Variants in MARCHF8 observed in about 807,000 individuals in gnomAD.
The protein encoded by MARCHF8 is membrane associated ring-CH-type finger 8.
Under a neutral mutation model 51.6 loss-of-function variants are expected in MARCHF8, and 40 were observed. The observed-to-expected ratio is 0.77, with a 90% CI of 0.60 to 1.01. The LOEUF is 1.01. MARCHF8 is among the 50% of genes least tolerant of loss of function. The probability of loss-of-function intolerance (pLI) is 0.00; values close to 1 mark genes in which losing one functional copy is unlikely to be tolerated. For missense variants in MARCHF8, 685 were observed against 708.6 expected (o/e 0.97, Z 0.38); for synonymous variants, 263 against 280.3 (o/e 0.94, Z 0.62).
At chr10:45,540,568 G>A (rs1343768642) in intron 1 of MARCHF8, among the ~76,000 whole-genome samples, 1 of 152,152 alleles carries the variant, frequency 6.6e-6, no homozygotes, top group Non-Finnish European at 1.5e-5. Flanking sequence ...ATTGACAAAT[G>A]GGATCTAATT....
intron 1 of MARCHF8, among the ~76,000 whole-genome samples, chr10:45,565,570 C>CAA (rs1435462621): frequency 7.0e-6 from 1 of 143,674 alleles, no homozygotes; most frequent in Non-Finnish European, 1.5e-5. Flanking sequence ...GATGCAACTG[C>CAA]AAAAAAATAA....
intron 1 of MARCHF8, among the ~76,000 whole-genome samples, chr10:45,580,883 T>G (rs1320493831): frequency 6.6e-6 from 1 of 152,198 alleles, no homozygotes; most frequent in East Asian, 1.9e-4. Flanking sequence ...CACACCCATC[T>G]GTGTGCTGCC....
At chr10:45,525,072 A>C (rs2043768995) in intron 2 of MARCHF8, among the ~76,000 whole-genome samples, 1 of 152,222 alleles carries the variant, frequency 6.6e-6, no homozygotes, top group Non-Finnish European at 1.5e-5. Context: ...TAAGTAGTAA[A>C]AGTGTGGTGA....
chr10:45,561,915 A>G lies in MARCHF8; in HGVS notation c.-78-28626T>C, dbSNP rs529060017. On this transcript the variant is annotated intron_variant, in intron 1 of 6. Coordinates refer to the MARCHF8 transcript ENST00000319836. ...GACTCCGTCTCAAAAAAAAAAAAAAAAAAAAAGAAATTTTAAAATGAGCAA... is the reference window on the plus strand; with the variant it reads ...GACTCCGTCTCAAAAAAAAAAAAAAGAAAAAAGAAATTTTAAAATGAGCAA... Among the ~76,000 whole-genome samples, 100 of 151,546 alleles carry G rather than the reference A, an allele frequency of 6.6e-4. 1 individual carries two copies. The highest frequency in any genetic ancestry group is 2.1e-3 in the African/African-American group (89 of 41,452).
intron 2 of MARCHF8, among the ~76,000 whole-genome samples, chr10:45,509,980 A>G (rs1435508306): frequency 6.6e-6 from 1 of 150,542 alleles, no homozygotes; most frequent in Non-Finnish European, 1.5e-5. Context: ...CAACGCCTGT[A>G]ATCTGGGGAA....
intron 2 of MARCHF8, among the ~76,000 whole-genome samples, chr10:45,491,895 T>C (rs1589115367): frequency 6.6e-6 from 1 of 152,196 alleles, no homozygotes; most frequent in South Asian, 2.1e-4. Flanking sequence ...TACAGAGAAG[T>C]TCACAAGTAC....
In MARCHF8 at chr10:45,457,267, T is replaced by C. The variant is rs1338562809; in HGVS notation, c.*972A>G. The C allele has an allele frequency of 6.6e-6, 1 of 152,250 alleles. No individual in the cohort carries two copies. The highest frequency in any genetic ancestry group is 1.9e-4 in the East Asian group (1 of 5,206). The allele number at this position is 152,250 out of a possible 1,614,324, so 9.4% of individuals were successfully genotyped here. A position where few individuals can be genotyped will look rare whatever the true frequency, so the allele number is the denominator to read the frequency against. On this transcript the variant is annotated 3_prime_UTR_variant, in exon 8 of 8. Coordinates refer to ENST00000453424, the MANE Select transcript of MARCHF8 (RefSeq NM_001282866.2). ...TGTTGTCATTACTCACTTCCTTTCC[T>C]TCCATTTCGATCTCAGAAACTGTTC...
At chr10:45,561,193 AAT>A (rs2044306388) in intron 1 of MARCHF8, among the ~76,000 whole-genome samples, 1 of 152,158 alleles carries the variant, frequency 6.6e-6, no homozygotes. Flanking sequence ...TAGAGAAGTA[AAT>A]ATGAGTGAGA....
chr10:45,547,749 G>A (rs2044144890), intron 1 of MARCHF8, among the ~76,000 whole-genome samples: 3 of 152,046 alleles, frequency 2.0e-5, no homozygotes, highest in African/African-American at 7.2e-5. Flanking sequence ...AAGACAACAT[G>A]GAATTCACAT....
rs565047348 is a variant in MARCHF8 at position 45,565,613 on chromosome 10, A to G, written c.-79+28622T>C. Among the ~76,000 whole-genome samples, 5 of 152,262 alleles carry G rather than the reference A, an allele frequency of 3.3e-5. No individual in the cohort carries two copies. The East Asian group carries it at 9.6e-4, about 29-fold the overall frequency. ...AAGTCATTACATGGAATACTAAAAA[A>G]TATTCAATTAGCCCTAAAGTAGAAA... On this transcript the variant is annotated intron_variant, in intron 1 of 6. Transcript: ENST00000319836.
At chr10:45,584,004 T>TC (rs1564524273) in intron 1 of MARCHF8, among the ~76,000 whole-genome samples, 1 of 100,312 alleles carries the variant, frequency 1.0e-5, no homozygotes, top group Non-Finnish European at 2.0e-5. Flanking sequence ...AGACTTCATT[T>TC]CCAAAAAAAA....
intron 1 of MARCHF8, among the ~76,000 whole-genome samples, chr10:45,581,050 A>C (rs1326440009): frequency 2.0e-5 from 3 of 152,096 alleles, no homozygotes; most frequent in Admixed American, 2.0e-4. Context: ...CGGAGAAACC[A>C]GACAAGAGTA....
upstream of MARCHF8, among the ~76,000 whole-genome samples, chr10:45,536,072 A>G: frequency 6.6e-6 from 1 of 152,236 alleles, no homozygotes. Context: ...GAAAATTTAT[A>G]TAAAATTCAA....
At chr10:45,536,940 C>T (rs1161697037), upstream of MARCHF8, among the ~76,000 whole-genome samples, 1 of 151,222 alleles carries the variant, frequency 6.6e-6, no homozygotes, top group Admixed American at 6.6e-5. Context: ...CATGGAAATA[C>T]AAATCAAAAC....
chr10:45,519,666 T>C (rs1356303149), intron 2 of MARCHF8, among the ~76,000 whole-genome samples: 2 of 152,238 alleles, frequency 1.3e-5, no homozygotes, highest in African/African-American at 4.8e-5. Flanking sequence ...CTCTTGACTT[T>C]TCTCCAACCA....
At chr10:45,499,176 T>C (rs965434601) in intron 2 of MARCHF8, among the ~76,000 whole-genome samples, 2 of 152,244 alleles carry the variant, frequency 1.3e-5, no homozygotes, top group Admixed American at 1.3e-4. Context: ...CACTGTGGTT[T>C]TGATTTGCGT....
At chr10:45,575,997 G>A (rs139489633) in intron 1 of MARCHF8, among the ~76,000 whole-genome samples, 87 of 152,054 alleles carry the variant, frequency 5.7e-4, no homozygotes, top group Non-Finnish European at 1.0e-3. Flanking sequence ...GACTCTTTTC[G>A]GACTCAGACC....
intron 2 of MARCHF8, among the ~76,000 whole-genome samples, chr10:45,515,075 C>T (rs1454300640): frequency 1.3e-5 from 2 of 152,196 alleles, no homozygotes; most frequent in Non-Finnish European, 2.9e-5. Flanking sequence ...ATAAATAAAT[C>T]GTCCATCTCA....
intron 1 of MARCHF8, among the ~76,000 whole-genome samples, chr10:45,565,361 G>A (rs1245077630): frequency 6.6e-6 from 1 of 152,086 alleles, no homozygotes; most frequent in Non-Finnish European, 1.5e-5. Flanking sequence ...AACCCAGGAG[G>A]CAGAGGATAC....
Sources: allele counts gnomAD v4.1 joint callset (sites outside exome capture counted in the v4.1 genomes callset), GRCh38; gene constraint gnomAD v4.1.1; transcripts MANE v1.5; gene names NCBI Gene and HGNC (gene_info 2026-07-23, HGNC 2026-07-21).